The following ANK1 variants were observed in gnomAD, a reference collection of about 807,000 sequenced individuals.
The protein encoded by ANK1 is ankyrin-1.
Under a neutral mutation model 210.4 loss-of-function variants are expected in ANK1, and 51 were observed. The observed-to-expected ratio is 0.24, with a 90% CI of 0.19 to 0.31. ANK1 has a LOEUF of 0.31. Among genes scored for constraint, ANK1 ranks in the 10% least tolerant of loss-of-function variants. The pLI, the probability that ANK1 is intolerant of heterozygous loss-of-function variation, is 1.00. For missense variants in ANK1, 2,051 were observed against 2,504.4 expected (o/e 0.82, Z 3.86); for synonymous variants, 967 against 1,025.9 (o/e 0.94, Z 1.10).
chr8:41,679,563 T>C (rs1447599027), intron 37 of ANK1, among the ~76,000 whole-genome samples: 2 of 133,964 alleles, frequency 1.5e-5, no homozygotes, highest in Admixed American at 7.5e-5. Flanking sequence ...ACTTTCTTTT[T>C]TTTTTTTTTT....
At chr8:41,870,637 T>A (rs1037533759) in intron 1 of ANK1, among the ~76,000 whole-genome samples, 1 of 152,124 alleles carries the variant, frequency 6.6e-6, no homozygotes, top group Non-Finnish European at 1.5e-5. Flanking sequence ...TGAGGGAACA[T>A]TTGCTGGATG....
At chr8:41,700,580 T>G in intron 22 of ANK1, 1 of 995,068 alleles carries the variant, frequency 1.0e-6, no homozygotes, top group East Asian at 2.4e-5. Flanking sequence ...TATACAACCA[T>G]GAAATTATCC....
intron 2 of ANK1, among the ~76,000 whole-genome samples, chr8:41,749,850 G>A (rs1399778659): frequency 6.6e-6 from 1 of 152,114 alleles, no homozygotes; most frequent in Non-Finnish European, 1.5e-5. Context: ...GACCTCAGGT[G>A]ATCTGCCCGC....
intron 1 of ANK1, among the ~76,000 whole-genome samples, chr8:41,826,408 C>T (rs1805380451): frequency 6.6e-6 from 1 of 152,038 alleles, no homozygotes; most frequent in South Asian, 2.1e-4. Flanking sequence ...ACTCCTGCTG[C>T]CCAGGTCTCA....
chr8:41,858,973 G>A (rs1812721815), intron 1 of ANK1, among the ~76,000 whole-genome samples: 1 of 152,232 alleles, frequency 6.6e-6, no homozygotes, highest in African/African-American at 2.4e-5. Context: ...CCAGACCCAG[G>A]CGCAGAGGGG....
At chr8:41,875,515 C>T (rs1268102991) in intron 1 of ANK1, among the ~76,000 whole-genome samples, 1 of 152,254 alleles carries the variant, frequency 6.6e-6, no homozygotes, top group Non-Finnish European at 1.5e-5. Flanking sequence ...CTCCAAACTA[C>T]TGGCTCTTCC....
intron 1 of ANK1, among the ~76,000 whole-genome samples, chr8:41,871,550 G>T (rs1416786104): frequency 1.3e-5 from 2 of 152,140 alleles, no homozygotes; most frequent in Non-Finnish European, 2.9e-5. Context: ...AAGATCGGGG[G>T]GCGATGTTTC....
At chr8:41,885,066 A>G (rs1218091700) in intron 1 of ANK1, among the ~76,000 whole-genome samples, 2 of 150,824 alleles carry the variant, frequency 1.3e-5, no homozygotes, top group Non-Finnish European at 3.0e-5. Flanking sequence ...TTGTGTTTGA[A>G]AAAAAAAAAG....
intron 2 of ANK1, among the ~76,000 whole-genome samples, chr8:41,734,633 T>C (rs920733705): frequency 4.6e-5 from 7 of 151,738 alleles, no homozygotes; most frequent in African/African-American, 1.5e-4. Context: ...GGCTTACACC[T>C]GTAGTCGCAG....
At chr8:41,668,603 G>A in intron 38 of ANK1, 39 bp from the exon 39 acceptor site, 1 of 1,586,510 alleles carries the variant, frequency 6.3e-7, no homozygotes, top group Non-Finnish European at 8.6e-7. Flanking sequence ...CGGCCGGGGA[G>A]AGAGAAAAGA....
chr8:41,692,051 G>A (rs1486747759), intron 31 of ANK1, among the ~76,000 whole-genome samples: 1 of 150,114 alleles, frequency 6.7e-6, no homozygotes, highest in East Asian at 1.9e-4. Flanking sequence ...ATACTCAGCT[G>A]GCTAGCACTT....
chr8:41,881,968 G>T (rs1817667935), intron 1 of ANK1, among the ~76,000 whole-genome samples: 1 of 152,136 alleles, frequency 6.6e-6, no homozygotes, highest in South Asian at 2.1e-4. Context: ...GTAGCTGGGT[G>T]GGCAGTTGAT....
intron 39 of ANK1, chr8:41,664,826 G>A (rs1287501130): frequency 6.2e-7 from 1 of 1,610,436 alleles, no homozygotes; most frequent in Non-Finnish European, 8.5e-7. Flanking sequence ...CCCGCCGCCG[G>A]ACCACCCTGG....
chr8:41,867,861 G>GTTTT (rs1479297467), intron 1 of ANK1, among the ~76,000 whole-genome samples: 8 of 152,206 alleles, frequency 5.3e-5, no homozygotes, highest in East Asian at 1.9e-4. Context: ...TAAAGCAGGT[G>GTTTT]TTTGTTTGTT....
At chr8:41,688,672 G>C (rs1044235318) in intron 33 of ANK1, 83 bp from the exon 34 acceptor site, 1 of 1,273,936 alleles carries the variant, frequency 7.8e-7, no homozygotes, top group Admixed American at 1.9e-5. Context: ...ATGCTGCAGG[G>C]GTGTGGAAGG....
chr8:41,824,494 C>T (rs550694016), intron 1 of ANK1, among the ~76,000 whole-genome samples: 1 of 152,158 alleles, frequency 6.6e-6, no homozygotes, highest in Non-Finnish European at 1.5e-5. Context: ...ATTCTCGCTG[C>T]TTTCATGTCA....
chr8:41,731,994 G>GA (rs1308189498), intron 3 of ANK1, among the ~76,000 whole-genome samples: 3 of 152,034 alleles, frequency 2.0e-5, no homozygotes, highest in Non-Finnish European at 4.4e-5. Flanking sequence ...TAGAATTTGG[G>GA]AAAAAAATAC....
chr8:41,778,146 C>T (rs1844499809), intron 1 of ANK1, among the ~76,000 whole-genome samples: 1 of 152,230 alleles, frequency 6.6e-6, no homozygotes, highest in East Asian at 1.9e-4. Flanking sequence ...AATCTCAGCA[C>T]CCAGTGGTAG....
At chr8:41,768,688 A>G (rs773911624) in intron 1 of ANK1, among the ~76,000 whole-genome samples, 13 of 151,938 alleles carry the variant, frequency 8.6e-5, no homozygotes, top group Non-Finnish European at 1.2e-4. Flanking sequence ...AATGTGGGGG[A>G]TGATCTTGAA....
Sources: allele counts gnomAD v4.1 joint callset (sites outside exome capture counted in the v4.1 genomes callset), GRCh38; gene constraint gnomAD v4.1.1; transcripts MANE v1.5; gene names NCBI Gene and HGNC (gene_info 2026-07-23, HGNC 2026-07-21).